SPEN: variants seen among roughly 807,000 people sequenced by gnomAD.
SPEN encodes the protein spen family transcriptional repressor.
A neutral mutation model predicts 269.9 loss-of-function variants in SPEN; 18 were observed. That is an observed-to-expected ratio of 0.07 (90% CI 0.05 to 0.10). The LOEUF is 0.10. Among genes scored for constraint, SPEN ranks in the 10% least tolerant of loss-of-function variants. The probability of loss-of-function intolerance (pLI) is 1.00; values close to 1 mark genes in which losing one functional copy is unlikely to be tolerated. For missense variants in SPEN, 3,822 were observed against 4,631.2 expected (o/e 0.83, Z 5.07); for synonymous variants, 1,726 against 1,765.7 (o/e 0.98, Z 0.56).
At position 15,885,253 on chromosome 1, in the gene SPEN, G is replaced by A. The variant is rs1481458626; in HGVS notation, c.881+8575G>A. ...GTCTCGCTCTGTTGCCCAGGCATGA[G>A]CCACCACGCCCAGCCCATTCTTTGA... is the stretch of plus-strand genomic sequence containing the variant. On this transcript the variant is annotated intron_variant, in intron 3 of 14. Transcript: ENST00000375759. Among the ~76,000 whole-genome samples the A allele has an allele frequency of 2.6e-5, 4 of 152,112 alleles. No homozygotes were observed. The East Asian group carries it at 5.8e-4, about 22-fold the overall frequency.
In SPEN at chr1:15,930,451, T is replaced by G. The variant is rs770382670; in HGVS notation, c.4211T>G (p.Leu1404Trp). 2 of 1,614,188 alleles carry G rather than the reference T, an allele frequency of 1.2e-6. No homozygotes were observed. Among genetic ancestry groups the G allele is most frequent in the Non-Finnish European group, 1.7e-6 (2 of 1,180,040 alleles). The part of the protein sequence containing the change: ...RASALYESSR[L>W]SFLLRDREDK... ...TCTGCATTATATGAAAGTTCTCGAT[T>G]GTCTTTTTTATTGAGGGACAGAGAA... Residue 1404 changes from leucine (L) to tryptophan (W), a missense_variant, in exon 11 of 15, where the codon TTG (leucine) becomes TGG (tryptophan). Leu to Trp is a moderately conservative substitution (Grantham distance 61). Transcript: ENST00000375759. The surrounding 1 kb of genome is among the most constrained non-coding windows in gnomAD (Gnocchi z 5.3).
In SPEN at chr1:15,873,022, T is replaced by G; in HGVS notation, c.290T>G (p.Ile97Arg). ...AARGLDDTVS[I>R]ASRSREVSGF... ...CGGGGATTGGATGATACAGTTTCCA[T>G]AGCATCTCGTAGTAGAGAGGTTTCT... Residue 97 changes from isoleucine to arginine, a missense_variant, in exon 2 of 15, where the codon ATA (isoleucine) becomes AGA (arginine). This residue lies in a region of SPEN where 327 missense variants were observed against 350.8 expected (regional missense o/e 0.93). Coordinates refer to ENST00000375759, the MANE Select transcript of SPEN (RefSeq NM_015001.3). The G allele has an allele frequency of 1.9e-6, 3 of 1,614,152 alleles. No homozygotes were observed. The highest frequency in any genetic ancestry group is 2.5e-6 in the Non-Finnish European group (3 of 1,180,026).
At chr1:15,857,617 A>G (rs1405386715) in intron 1 of SPEN, among the ~76,000 whole-genome samples, 1 of 152,064 alleles carries the variant, frequency 6.6e-6, no homozygotes, top group Admixed American at 6.6e-5. Flanking sequence ...TCAGCCTCCC[A>G]AAGTGCTGGT....
chr1:15,860,295 G>A (rs1295059240), intron 1 of SPEN, among the ~76,000 whole-genome samples: 1 of 151,694 alleles, frequency 6.6e-6, no homozygotes, highest in African/African-American at 2.4e-5. Context: ...GGAGGGGAGT[G>A]GTATAATCCC....
intron 9 of SPEN, among the ~76,000 whole-genome samples, chr1:15,921,419 AG>A (rs543173089): frequency 5.6e-4 from 86 of 152,340 alleles, no homozygotes; most frequent in Non-Finnish European, 1.1e-3. Context: ...CTGTATCATT[AG>A]TGTTTAAGGG....
At chr1:15,850,035 G>T (rs915975944) in intron 1 of SPEN, among the ~76,000 whole-genome samples, 2 of 152,188 alleles carry the variant, frequency 1.3e-5, no homozygotes, top group Non-Finnish European at 1.5e-5. Context: ...AGATGAGGGG[G>T]CAGAGAGAAG....
At chr1:15,903,578 G>T (rs2070923765) in intron 3 of SPEN, among the ~76,000 whole-genome samples, 1 of 152,120 alleles carries the variant, frequency 6.6e-6, no homozygotes, top group South Asian at 2.1e-4. Context: ...GTTTTGTCCT[G>T]TTGCGCAGGC....
At chr1:15,909,061 A>G (rs2070987807) in intron 3 of SPEN, among the ~76,000 whole-genome samples, 1 of 152,124 alleles carries the variant, frequency 6.6e-6, no homozygotes, top group South Asian at 2.1e-4. Flanking sequence ...TGAAAAAAAA[A>G]AGTTCAAGTT....
chr1:15,936,446 G>T (rs1026355020), intron 11 of SPEN, among the ~76,000 whole-genome samples, 180 bp downstream of exon 11: 1 of 151,554 alleles, frequency 6.6e-6, no homozygotes, highest in Non-Finnish European at 1.5e-5. Context: ...TTCGAGACCA[G>T]CCTGGGCAAC....
At chr1:15,894,685 C>T (rs2070823468) in intron 3 of SPEN, among the ~76,000 whole-genome samples, 1 of 151,528 alleles carries the variant, frequency 6.6e-6, no homozygotes, top group Non-Finnish European at 1.5e-5. Flanking sequence ...GGATTACAGA[C>T]ACGCGCCACC....
intron 2 of SPEN, 105 bp from the exon 3 acceptor site, chr1:15,876,097 C>G (rs748341271): frequency 7.3e-6 from 6 of 826,718 alleles, no homozygotes; most frequent in Middle Eastern, 3.5e-4. Context: ...TAGAAAATGA[C>G]CAGTTGCAAA....
chr1:15,883,172 A>G (rs1030815754), intron 3 of SPEN, among the ~76,000 whole-genome samples: 1 of 152,166 alleles, frequency 6.6e-6, no homozygotes, highest in Non-Finnish European at 1.5e-5. Context: ...TTTACTTTGC[A>G]TTGTCATAAG....
At chr1:15,873,876 C>A in intron 2 of SPEN, 1 of 1,095,500 alleles carries the variant, frequency 9.1e-7, no homozygotes, top group Non-Finnish European at 1.1e-6. Context: ...ATTCCACTAG[C>A]CCAGGGAAAG....
chr1:15,895,751 G>A (rs759490875), intron 3 of SPEN, among the ~76,000 whole-genome samples: 39 of 150,112 alleles, frequency 2.6e-4, no homozygotes, highest in Non-Finnish European at 4.3e-4. Flanking sequence ...CATGATCTCG[G>A]CTCACTGCAA....
rs867307221 is a variant in SPEN, at chr1:15,935,828, G to C, written c.9588G>C (p.Arg3196Ser). 3 of 1,613,868 alleles carry C rather than the reference G, an allele frequency of 1.9e-6. No individual in the cohort carries two copies. In the Middle Eastern group the frequency reaches 4.9e-4, roughly 266 times the overall value. The change falls in exon 11 of 15, where the codon AGG (arginine) becomes AGC (serine). Residue 3196 changes from arginine (R) to serine (S), a missense_variant. Transcript: ENST00000375759. The surrounding 1 kb of genome is among the most constrained non-coding windows in gnomAD (Gnocchi z 7.7). ...LHPYTVPRDVRIMVHPHVTAV... is the reference protein window; with the variant it reads ...LHPYTVPRDVSIMVHPHVTAV... ...CCTATACTGTGCCACGGGATGTGAG[G>C]ATCATGGTGCATCCACATGTGACGG... is the stretch of plus-strand genomic sequence containing the variant.
intron 10 of SPEN, among the ~76,000 whole-genome samples, chr1:15,926,261 G>A (rs531842977): frequency 1.3e-5 from 2 of 152,088 alleles, no homozygotes; most frequent in South Asian, 4.2e-4. Flanking sequence ...GCCAAGCGTG[G>A]TGGCGCATGC....
intron 1 of SPEN, among the ~76,000 whole-genome samples, chr1:15,849,443 G>T (rs771668322): frequency 9.9e-4 from 151 of 152,340 alleles, no homozygotes; most frequent in Non-Finnish European, 2.0e-3. Context: ...TGTTACTGGG[G>T]CATTAAACCC....
In SPEN at chr1:15,928,604, T is replaced by C. The variant is rs1291020450; in HGVS notation, c.2364T>C (p.Asn788=). 1 of 1,613,802 alleles carries C rather than the reference T, an allele frequency of 6.2e-7. No homozygotes were observed. Among genetic ancestry groups the C allele is most frequent in the Admixed American group, 1.7e-5 (1 of 59,966 alleles). ...CTCGTTTGGAGCGCTATACAAAAAATGAAAAGACAGATAAAGAACGAACTT... is the reference window on the plus strand; with the variant it reads ...CTCGTTTGGAGCGCTATACAAAAAACGAAAAGACAGATAAAGAACGAACTT... ...DKSRLERYTK[N]EKTDKERTFD... is the part of the protein sequence containing the mutation. The change falls in exon 11 of 15, where the codon AAT becomes AAC. Residue 788 remains asparagine, a synonymous_variant. Coordinates refer to ENST00000375759, the MANE Select transcript of SPEN (RefSeq NM_015001.3). The surrounding 1 kb of genome is among the most constrained non-coding windows in gnomAD (Gnocchi z 5.7).
At chr1:15,908,254 AG>A (rs1287051366) in intron 3 of SPEN, among the ~76,000 whole-genome samples, 1 of 152,024 alleles carries the variant, frequency 6.6e-6, no homozygotes, top group African/African-American at 2.4e-5. Context: ...TTTAAAGACA[AG>A]GCCTGACTCT....
Sources: gnomAD v4.1 joint callset for allele counts (sites outside exome capture counted in the v4.1 genomes callset) on GRCh38, gnomAD v4.1.1 for gene constraint, gnomAD v4.1.1 regional missense constraint, Gnocchi (gnomAD v3.1) non-coding constraint, MANE v1.5 for transcripts, NCBI Gene and HGNC (gene_info 2026-07-23, HGNC 2026-07-21) for gene names.